STIM2: variants seen among roughly 807,000 people sequenced by gnomAD.
STIM2 encodes stromal interaction molecule 2.
In STIM2, 31 loss-of-function variants were observed where a neutral mutation model predicts 85.8. The observed-to-expected ratio is 0.36, with a 90% confidence interval of 0.27 to 0.49. The LOEUF (loss-of-function observed/expected upper bound fraction) is 0.49. Among genes scored for constraint, STIM2 ranks in the 20% least tolerant of loss-of-function variants. STIM2 has a pLI of 0.98. For synonymous variants in STIM2, 356 were observed against 331.1 expected, an observed-to-expected ratio of 1.08 and a Z score of -0.82; for missense variants, 841 against 927.6, an observed-to-expected ratio of 0.91 and a Z score of 1.21.
chr4:27,009,624 C>T (rs1048635767), intron 10 of STIM2, among the ~76,000 whole-genome samples: 2 of 152,094 alleles, frequency 1.3e-5, no homozygotes, highest in Non-Finnish European at 1.5e-5. Flanking sequence ...GAGAGTGAGG[C>T]GGCACTCAAC....
At chr4:27,005,200 A>G (rs1371001166) in intron 7 of STIM2, among the ~76,000 whole-genome samples, 2 of 152,228 alleles carry the variant, frequency 1.3e-5, no homozygotes, top group South Asian at 2.1e-4. Flanking sequence ...AGTCAGGAAA[A>G]TCTGGTATGT....
At chr4:26,981,117 G>A (rs1171496723) in intron 3 of STIM2, among the ~76,000 whole-genome samples, 1 of 152,140 alleles carries the variant, frequency 6.6e-6, no homozygotes, top group Admixed American at 6.5e-5. Flanking sequence ...TTGACTGCCT[G>A]TATTCAAGTC....
chr4:26,983,034 C>T (rs1560229451), intron 3 of STIM2, among the ~76,000 whole-genome samples: 2 of 152,202 alleles, frequency 1.3e-5, no homozygotes, highest in African/African-American at 2.4e-5. Flanking sequence ...AGGCTGCCAC[C>T]CTGTTGTCCG....
chr4:26,998,193 A>C (rs1159526921), intron 4 of STIM2, among the ~76,000 whole-genome samples: 1 of 152,172 alleles, frequency 6.6e-6, no homozygotes, highest in African/African-American at 2.4e-5. Context: ...TGAAATCTTT[A>C]CTAGCATCAT....
intron 1 of STIM2, among the ~76,000 whole-genome samples, chr4:26,882,191 A>T (rs1268636757): frequency 6.6e-6 from 1 of 152,230 alleles, no homozygotes; most frequent in Non-Finnish European, 1.5e-5. Flanking sequence ...TAATGAGAAG[A>T]TGAAGACTGA....
chr4:26,975,599 T>C (rs940730461), intron 3 of STIM2, among the ~76,000 whole-genome samples: 9 of 152,218 alleles, frequency 5.9e-5, no homozygotes, highest in Admixed American at 1.3e-4. Flanking sequence ...ACAGCAAATA[T>C]TGCTGCCTGA....
At chr4:26,873,883 C>T in intron 1 of STIM2, 1 of 1,317,112 alleles carries the variant, frequency 7.6e-7, no homozygotes, top group Admixed American at 1.9e-5. Context: ...AGTGATGCTC[C>T]TTCTCCCAGG....
At chr4:27,021,637 G>C (rs1447862759) in intron 11 of STIM2, 1 of 456,602 alleles carries the variant, frequency 2.2e-6, no homozygotes, top group Non-Finnish European at 4.4e-6. Flanking sequence ...TGTTTTGCTT[G>C]AGTTTTTAAA....
intron 1 of STIM2, among the ~76,000 whole-genome samples, chr4:26,890,680 C>A (rs551944808): frequency 6.6e-6 from 1 of 151,736 alleles, no homozygotes; most frequent in East Asian, 1.9e-4. Context: ...AAAAATTAGC[C>A]GGGCGTAGTG....
chr4:27,020,358 G>T (rs905359219), intron 11 of STIM2, among the ~76,000 whole-genome samples: 1 of 152,176 alleles, frequency 6.6e-6, no homozygotes, highest in African/African-American at 2.4e-5. Context: ...AAAAGGCTTT[G>T]CAGAAATGCC....
chr4:26,861,379 C>T lies in STIM2; in HGVS notation c.151+10C>T. ...CCGGCGCTCATGACAGGTGAGGGGC[C>T]GGGGGGCGGCGGGCGGGGCTCGGCC... On this transcript the variant is annotated intron_variant, in intron 1 of 11. Transcript: ENST00000467087. 7.8e-7 allele frequency: 1 copy of T among 1,287,902 alleles called. No individual in the cohort carries two copies. The highest frequency in any genetic ancestry group is 9.8e-7 in the Non-Finnish European group (1 of 1,021,826). 79.8% of individuals were successfully genotyped at this position (1,287,902 alleles called of 1,614,324 possible). A position where few individuals can be genotyped will look rare whatever the true frequency, so the allele number is the denominator to read the frequency against.
intron 2 of STIM2, among the ~76,000 whole-genome samples, chr4:26,946,698 A>T (rs975526457): frequency 6.6e-6 from 1 of 152,216 alleles, no homozygotes; most frequent in Admixed American, 6.5e-5. Context: ...CAAATTTTGA[A>T]TGGCTTTATA....
At chr4:26,917,352 G>A (rs1231374998) in intron 1 of STIM2, among the ~76,000 whole-genome samples, 2 of 152,078 alleles carry the variant, frequency 1.3e-5, no homozygotes, top group Non-Finnish European at 2.9e-5. Flanking sequence ...GTTTTATGAG[G>A]ATTTTTGTCT....
chr4:26,897,291 G>A (rs182178214), intron 1 of STIM2, among the ~76,000 whole-genome samples: 5 of 152,262 alleles, frequency 3.3e-5, no homozygotes, highest in Admixed American at 2.6e-4. Flanking sequence ...ACCAGCATTT[G>A]GTACTTTCTG....
chr4:26,876,397 TA>T (rs1722816745), intron 1 of STIM2, among the ~76,000 whole-genome samples: 2 of 152,308 alleles, frequency 1.3e-5, no homozygotes, highest in South Asian at 4.1e-4. Context: ...AAGTGGACTT[TA>T]CCTAGGTTTC....
chr4:26,905,486 T>C (rs964253526), intron 1 of STIM2, among the ~76,000 whole-genome samples: 1 of 152,106 alleles, frequency 6.6e-6, no homozygotes, highest in African/African-American at 2.4e-5. Flanking sequence ...ATTTTGAAGA[T>C]AGAGCCAGAT....
chr4:26,960,367 GTA>G (rs201929822), intron 3 of STIM2, among the ~76,000 whole-genome samples: 2,246 of 150,320 alleles, frequency 0.015, 51 homozygotes, highest in African/African-American at 0.052. Context: ...ATGTTTGTGT[GTA>G]TGTGTGTATG....
intron 8 of STIM2, 51 bp from the exon 9 acceptor site, chr4:27,008,376 AT>A (rs961970092): frequency 3.6e-6 from 4 of 1,120,514 alleles, no homozygotes; most frequent in Non-Finnish European, 3.8e-6. Flanking sequence ...ATATACAAAA[AT>A]GTCTGTATTT....
At chr4:27,021,345 T>C (rs1728906101) in intron 11 of STIM2, 2 of 397,202 alleles carry the variant, frequency 5.0e-6, no homozygotes, top group East Asian at 1.2e-4. Context: ...GGAAAGAGAA[T>C]GCTGTTTCAG....
Sources: gnomAD v4.1 joint callset for allele counts (sites outside exome capture counted in the v4.1 genomes callset) on GRCh38, gnomAD v4.1.1 for gene constraint, MANE v1.5 for transcripts, NCBI Gene and HGNC (gene_info 2026-07-23, HGNC 2026-07-21) for gene names.